The following B4GALNT3 variants were observed in gnomAD, a reference collection of about 807,000 sequenced individuals.
The protein encoded by B4GALNT3 is beta-1,4-N-acetylgalactosaminyltransferase 3.
B4GALNT3 carries 86 observed loss-of-function variants against 120.2 expected under a neutral mutation model. That is an observed-to-expected ratio of 0.72 (90% CI 0.60 to 0.86). B4GALNT3 has a LOEUF of 0.86. B4GALNT3 is among the 40% of genes least tolerant of loss of function. The pLI, the probability that B4GALNT3 is intolerant of heterozygous loss-of-function variation, is 0.00. For missense variants in B4GALNT3, 1,167 were observed against 1,298.9 expected, an observed-to-expected ratio of 0.90 and a Z score of 1.56; for synonymous variants, 518 against 510.4, an observed-to-expected ratio of 1.01 and a Z score of -0.20.
At chr12:535,305 C>T in intron 2 of B4GALNT3, 36 bp downstream of exon 2, 2 of 1,579,506 alleles carry the variant, frequency 1.3e-6, no homozygotes, top group Non-Finnish European at 8.7e-7. Flanking sequence ...CCTGCTGATG[C>T]CTTAACAAAG....
chr12:549,858 G>A lies in B4GALNT3; in HGVS notation c.943G>A (p.Glu315Lys). ...CTCCTCCAACGCTCTTCCCAGGGAT[G>A]AGCAGCCGCCCGCTGACATGCTTCG... ...VDSSNALPRD[E>K]QPPADMLRPD... is the part of the protein sequence containing the mutation. Residue 315 changes from glutamate to lysine, a missense_variant, in exon 10 of 20, where the codon GAG (glutamate) becomes AAG (lysine). Glu to Lys is a moderately conservative substitution (Grantham distance 56, BLOSUM62 1). This residue lies in a region of B4GALNT3 where 983 missense variants were observed against 1,102.5 expected (regional missense o/e 0.89). Coordinates refer to ENST00000266383, the MANE Select transcript of B4GALNT3 (RefSeq NM_173593.4). The A allele has an allele frequency of 6.2e-7, 1 of 1,613,768 alleles. No homozygotes were observed. The highest frequency in any genetic ancestry group is 1.1e-5 in the South Asian group (1 of 91,080).
chr12:501,461 G>C (rs1263373338), intron 1 of B4GALNT3, among the ~76,000 whole-genome samples: 3 of 152,146 alleles, frequency 2.0e-5, no homozygotes, highest in Non-Finnish European at 4.4e-5. Flanking sequence ...CACACCTGTT[G>C]TCCCAGCTAC....
At chr12:476,833 A>G (rs1946190498) in intron 1 of B4GALNT3, among the ~76,000 whole-genome samples, 1 of 152,226 alleles carries the variant, frequency 6.6e-6, no homozygotes, top group Non-Finnish European at 1.5e-5. Flanking sequence ...GAAGAAAACC[A>G]AAAGCAAAGC....
chr12:479,213 T>TG (rs148616326), intron 1 of B4GALNT3, among the ~76,000 whole-genome samples: 2 of 151,732 alleles, frequency 1.3e-5, no homozygotes, highest in Non-Finnish European at 2.9e-5. Context: ...TGGCTTTTTT[T>TG]TTATTATTAT....
chr12:475,844 G>A (rs1303153753), intron 1 of B4GALNT3, among the ~76,000 whole-genome samples: 1 of 152,162 alleles, frequency 6.6e-6, no homozygotes, highest in Non-Finnish European at 1.5e-5. Context: ...ATCTGGTTAG[G>A]ACAGTTTGCT....
rs946517362 is a variant in B4GALNT3 at position 552,109 on chromosome 12, A to T, written c.1154A>T (p.His385Leu). Reference protein sequence around the residue: ...VYPNDYTRLSHMETHNKCFYQ... With the variant: ...VYPNDYTRLSLMETHNKCFYQ... ...CCCAATGACTATACCCGCCTGAGCC[A>T]CATGGAGACCCACAATAAATGTTTC... The change falls in exon 12 of 20, where the codon CAC becomes CTC. Residue 385 changes from histidine (H) to leucine (L), a missense_variant. This residue lies in a region of B4GALNT3 where 983 missense variants were observed against 1,102.5 expected (regional missense o/e 0.89). Transcript: ENST00000266383. 4 of 1,613,478 alleles carry T rather than the reference A, an allele frequency of 2.5e-6. No individual in the cohort carries two copies. Among genetic ancestry groups the T allele is most frequent in the Non-Finnish European group, 3.4e-6 (4 of 1,179,450 alleles).
chr12:532,500 T>G (rs1458771593), intron 1 of B4GALNT3, among the ~76,000 whole-genome samples: 5 of 152,214 alleles, frequency 3.3e-5, no homozygotes, highest in South Asian at 4.1e-4. Flanking sequence ...CAGCAATGAC[T>G]GCTGATTTAT....
chr12:555,559 G>A (rs1332213369), intron 14 of B4GALNT3: 4 of 337,784 alleles, frequency 1.2e-5, no homozygotes, highest in Non-Finnish European at 2.3e-5. Context: ...TCATGCACAA[G>A]CTTTTATGTG....
rs1365630503 is a variant in B4GALNT3, at chr12:552,540, C to G, written c.1270+12C>G. 1.9e-6 allele frequency: 3 copies of G among 1,612,766 alleles called. 1 individual carries two copies. The South Asian group carries it at 3.3e-5, about 18-fold the overall frequency. ...GCTGGAGCAGCCAGGTACAGAGTGA[C>G]AGCTGAGGCTTCCAGGTCAGGCTGA... On this transcript the variant is annotated intron_variant, in intron 13 of 19. Coordinates refer to ENST00000266383, the MANE Select transcript of B4GALNT3 (RefSeq NM_173593.4).
intron 1 of B4GALNT3, among the ~76,000 whole-genome samples, chr12:499,852 G>C (rs575985527): frequency 5.1e-4 from 78 of 152,360 alleles, no homozygotes; most frequent in African/African-American, 1.8e-3. Flanking sequence ...AGAGAAACAA[G>C]AAATTGAGGG....
At chr12:483,557 G>A (rs2120480488) in intron 1 of B4GALNT3, among the ~76,000 whole-genome samples, 1 of 152,294 alleles carries the variant, frequency 6.6e-6, no homozygotes, top group East Asian at 1.9e-4. Context: ...AATTCACTGG[G>A]TGTAGTGGTG....
At position 550,884 on chromosome 12, in the gene B4GALNT3, C is replaced by A; in HGVS notation, c.998-38C>A. The A allele has an allele frequency of 6.6e-7, 1 of 1,516,784 alleles. No individual in the cohort carries two copies. Among genetic ancestry groups the A allele is most frequent in the Non-Finnish European group, 9.1e-7 (1 of 1,094,354 alleles). The allele number at this position is 1,516,784 out of a possible 1,614,324, so 94.0% of individuals were successfully genotyped here. A position where few individuals can be genotyped will look rare whatever the true frequency, so the allele number is the denominator to read the frequency against. On this transcript the variant is annotated intron_variant, in intron 10 of 19. Coordinates refer to ENST00000266383, the MANE Select transcript of B4GALNT3 (RefSeq NM_173593.4). This position sits in a 1 kb window ranked among gnomAD's most constrained non-coding sequence, Gnocchi z 4.1. ...AGGACTTCAGCCCCAGTTTCGTGCTCACCCTCACCCTCACTCCTCCTCCTC... is the reference window on the plus strand; with the variant it reads ...AGGACTTCAGCCCCAGTTTCGTGCTAACCCTCACCCTCACTCCTCCTCCTC...
intron 1 of B4GALNT3, among the ~76,000 whole-genome samples, chr12:517,490 G>A (rs1344392577): frequency 1.3e-5 from 2 of 152,254 alleles, no homozygotes; most frequent in African/African-American, 4.8e-5. Context: ...TGTGGGAGGC[G>A]AGGGGGTTGG....
At chr12:520,926 G>T (rs571244423) in intron 1 of B4GALNT3, among the ~76,000 whole-genome samples, 1 of 152,332 alleles carries the variant, frequency 6.6e-6, no homozygotes, top group Admixed American at 6.5e-5. Flanking sequence ...CACTTTTCCA[G>T]GGGATATTCT....
At chr12:555,813 C>G (rs1445843462) in intron 14 of B4GALNT3, among the ~76,000 whole-genome samples, 2 of 150,738 alleles carry the variant, frequency 1.3e-5, no homozygotes, top group East Asian at 3.9e-4. Context: ...GAGACGGAGT[C>G]TCGCTCTGTC....
intron 1 of B4GALNT3, among the ~76,000 whole-genome samples, chr12:497,493 C>T (rs185514460): frequency 1.3e-5 from 2 of 152,324 alleles, no homozygotes; most frequent in Non-Finnish European, 2.9e-5. Flanking sequence ...GGATATGCCA[C>T]GTTTTGTTCA....
In B4GALNT3 at chr12:558,074, A is replaced by G. The variant is rs749751895; in HGVS notation, c.2593A>G (p.Ile865Val). The G allele has an allele frequency of 1.9e-6, 3 of 1,613,922 alleles. No homozygotes were observed. Among genetic ancestry groups the G allele is most frequent in the South Asian group, 1.1e-5 (1 of 91,086 alleles). The change falls in exon 17 of 20, where the codon ATA becomes GTA. Residue 865 changes from isoleucine to valine, a missense_variant. Physicochemically the swap from Ile to Val is conservative, Grantham distance 29 (BLOSUM62 3). Coordinates refer to ENST00000266383, the MANE Select transcript of B4GALNT3 (RefSeq NM_173593.4). ...FERSAGLQAG[I>V]DLVKDPHSII... ...ACGCTCAGCTGGACTTCAGGCTGGCATAGACCTCGTGAAGGTAAAGGGCCT... is the reference window on the plus strand; with the variant it reads ...ACGCTCAGCTGGACTTCAGGCTGGCGTAGACCTCGTGAAGGTAAAGGGCCT...
chr12:546,742 G>A (rs2120703556), intron 7 of B4GALNT3, 29 bp downstream of exon 7: 1 of 1,545,436 alleles, frequency 6.5e-7, no homozygotes, highest in Non-Finnish European at 8.8e-7. Context: ...AGGCGCTGTG[G>A]GCGCCTCGGT....
At chr12:551,277 A>G (rs528993208) in intron 11 of B4GALNT3, among the ~76,000 whole-genome samples, 2 of 152,316 alleles carry the variant, frequency 1.3e-5, no homozygotes, top group Non-Finnish European at 2.9e-5. Context: ...ACACCAACTC[A>G]GCCCAGCCCC....
Sources: gnomAD v4.1 joint callset for allele counts (sites outside exome capture counted in the v4.1 genomes callset) on GRCh38, gnomAD v4.1.1 for gene constraint, gnomAD v4.1.1 regional missense constraint, Gnocchi (gnomAD v3.1) non-coding constraint, MANE v1.5 for transcripts, NCBI Gene and HGNC (gene_info 2026-07-23, HGNC 2026-07-21) for gene names.